The following DNASE2B variants were observed in gnomAD, a reference collection of about 807,000 sequenced individuals.
The protein encoded by DNASE2B is deoxyribonuclease-2-beta.
A neutral mutation model predicts 46.0 loss-of-function variants in DNASE2B; 43 were observed. That is an observed-to-expected ratio of 0.94 (90% CI 0.73 to 1.21). The LOEUF (loss-of-function observed/expected upper bound fraction) is 1.21, where lower values mean the gene tolerates loss of function less well. DNASE2B is among the 50% of genes most tolerant of loss of function. The pLI, the probability that DNASE2B is intolerant of heterozygous loss-of-function variation, is 0.00. For synonymous variants in DNASE2B, 156 were observed against 152.5 expected, an observed-to-expected ratio of 1.02 and a Z score of -0.17; for missense variants, 395 against 414.4, an observed-to-expected ratio of 0.95 and a Z score of 0.41.
chr1:84,408,392 T>C, intron 2 of DNASE2B, 45 bp from the exon 3 acceptor site: 1 of 1,566,054 alleles, frequency 6.4e-7, no homozygotes, highest in Non-Finnish European at 8.6e-7. Flanking sequence ...TGGGCGTTTG[T>C]AAGTGGAAGA....
At position 84,410,881 on chromosome 1, in the gene DNASE2B, T is replaced by A; in HGVS notation, c.429T>A (p.His143Gln). Residue 143 changes from histidine to glutamine, a missense_variant, in exon 4 of 6, where the codon CAT becomes CAA. His to Gln is a conservative substitution (Grantham distance 24). Transcript: ENST00000370665. Reference protein sequence around the residue: ...WNRVQGFWLIHSIPQFPPIPE... With the variant: ...WNRVQGFWLIQSIPQFPPIPE... ...GAGTTCAAGGGTTCTGGCTGATTCA[T>A]TCCATCCCTCAGTTTCCTCCAATTC... is the stretch of plus-strand genomic sequence containing the variant. The A allele has an allele frequency of 6.2e-7, 1 of 1,613,676 alleles. No homozygotes were observed. Among genetic ancestry groups the A allele is most frequent in the Non-Finnish European group, 8.5e-7 (1 of 1,179,774 alleles).
chr1:84,412,587 G>T (rs1680620825), intron 5 of DNASE2B, 41 bp downstream of exon 5: 3 of 1,498,990 alleles, frequency 2.0e-6, no homozygotes, highest in Middle Eastern at 1.8e-4. Flanking sequence ...GTATAATTCT[G>T]CTGTTGAACT....
At chr1:84,410,090 A>C (rs1357775484) in intron 3 of DNASE2B, among the ~76,000 whole-genome samples, 3 of 152,250 alleles carry the variant, frequency 2.0e-5, no homozygotes, top group African/African-American at 4.8e-5. Flanking sequence ...AGTCATATGC[A>C]AACTGGAAAG....
At chr1:84,404,112 C>T (rs972885282) in intron 2 of DNASE2B, among the ~76,000 whole-genome samples, 5 of 152,002 alleles carry the variant, frequency 3.3e-5, no homozygotes, top group African/African-American at 9.7e-5. Flanking sequence ...AGCCTAAAAG[C>T]AGCCTTGAAT....
intron 5 of DNASE2B, 56 bp downstream of exon 5, chr1:84,412,602 A>G: frequency 7.1e-7 from 1 of 1,404,388 alleles, no homozygotes; most frequent in African/African-American, 1.4e-5. Context: ...TGAACTGACT[A>G]GGGATAGCTT....
chr1:84,413,518 T>A (rs1438886840), intron 5 of DNASE2B, among the ~76,000 whole-genome samples: 1 of 152,234 alleles, frequency 6.6e-6, no homozygotes, highest in African/African-American at 2.4e-5. Context: ...TCACCTTCAC[T>A]GATTTTGGGG....
chr1:84,413,870 A>G (rs1680644993), intron 5 of DNASE2B, among the ~76,000 whole-genome samples: 1 of 152,024 alleles, frequency 6.6e-6, no homozygotes, highest in Non-Finnish European at 1.5e-5. Context: ...GTCACTCCCC[A>G]TCTCTTCTTT....
chr1:84,408,895 T>A (rs556672057), intron 3 of DNASE2B, among the ~76,000 whole-genome samples: 1 of 151,990 alleles, frequency 6.6e-6, no homozygotes, highest in South Asian at 2.1e-4. Flanking sequence ...AAACACATTT[T>A]AGTCAGATTT....
intron 2 of DNASE2B, among the ~76,000 whole-genome samples, chr1:84,405,037 T>C (rs1431476232): frequency 1.3e-5 from 2 of 152,140 alleles, no homozygotes; most frequent in African/African-American, 2.4e-5. Flanking sequence ...TTATTTCCCC[T>C]CAATGATTTT....
intron 3 of DNASE2B, among the ~76,000 whole-genome samples, chr1:84,409,843 G>A (rs1195110441): frequency 6.6e-6 from 1 of 152,086 alleles, no homozygotes; most frequent in African/African-American, 2.4e-5. Context: ...CAGGAGGATA[G>A]GATTCCAGCA....
intron 2 of DNASE2B, among the ~76,000 whole-genome samples, chr1:84,404,514 C>A (rs1418445911): frequency 6.6e-6 from 1 of 152,166 alleles, no homozygotes; most frequent in African/African-American, 2.4e-5. Context: ...ACTGACAATC[C>A]TTTCCAGAGA....
intron 2 of DNASE2B, 62 bp downstream of exon 2, chr1:84,402,140 C>G (rs995931172): frequency 1.3e-6 from 2 of 1,493,642 alleles, no homozygotes; most frequent in African/African-American, 1.4e-5. Flanking sequence ...GAATCCAAAG[C>G]CTTCACCAGA....
At chr1:84,412,626 G>A in intron 5 of DNASE2B, 80 bp downstream of exon 5, 1 of 1,263,680 alleles carries the variant, frequency 7.9e-7, no homozygotes, top group Non-Finnish European at 1.1e-6. Context: ...GAAATATTTT[G>A]AGTATTCAGA....
intron 1 of DNASE2B, among the ~76,000 whole-genome samples, chr1:84,400,075 T>C (rs755347254): frequency 1.7e-4 from 26 of 152,100 alleles, no homozygotes; most frequent in Non-Finnish European, 3.2e-4. Flanking sequence ...TGTTAAGAAA[T>C]AATTTTAGGT....
intron 5 of DNASE2B, among the ~76,000 whole-genome samples, chr1:84,413,306 C>T (rs1457967227): frequency 6.6e-6 from 1 of 152,192 alleles, no homozygotes; most frequent in Non-Finnish European, 1.5e-5. Flanking sequence ...TTGAATCTCT[C>T]CCCAGTCACC....
chr1:84,404,396 C>G (rs1235262499), intron 2 of DNASE2B, among the ~76,000 whole-genome samples: 2 of 152,176 alleles, frequency 1.3e-5, no homozygotes, highest in Non-Finnish European at 2.9e-5. Context: ...ATTTTTCCAG[C>G]AGGAATGTAT....
At position 84,401,868 on chromosome 1, in the gene DNASE2B, A is replaced by G; in HGVS notation, c.126-33A>G. 3 of 1,421,390 alleles carry G rather than the reference A, an allele frequency of 2.1e-6. No individual in the cohort carries two copies. The African/African-American group carries it at 4.4e-5, about 21-fold the overall frequency. The allele number at this position is 1,421,390 out of a possible 1,614,324, so 88.0% of individuals were successfully genotyped here. On this transcript the variant is annotated intron_variant, in intron 1 of 5. Transcript: ENST00000370665. ...ACTGCCACAGGAAAACAGTCAATAA[A>G]TGTTAGTAATTCATAATCATTTTGT...
intron 2 of DNASE2B, among the ~76,000 whole-genome samples, chr1:84,405,383 G>A (rs1465519326): frequency 6.6e-6 from 1 of 152,316 alleles, no homozygotes; most frequent in East Asian, 1.9e-4. Context: ...TAGCTGCAGT[G>A]AGGGCTTCAC....
At chr1:84,405,545 A>G (rs1241697339) in intron 2 of DNASE2B, among the ~76,000 whole-genome samples, 1 of 152,210 alleles carries the variant, frequency 6.6e-6, no homozygotes, top group African/African-American at 2.4e-5. Context: ...GCTTGTTAGA[A>G]GCATTTCCAG....
Sources: gnomAD v4.1 joint callset for allele counts (sites outside exome capture counted in the v4.1 genomes callset) on GRCh38, gnomAD v4.1.1 for gene constraint, MANE v1.5 for transcripts, NCBI Gene and HGNC (gene_info 2026-07-23, HGNC 2026-07-21) for gene names.